ADGRV1: variants seen among roughly 807,000 people sequenced by gnomAD.
ADGRV1 encodes the protein G-protein coupled receptor 98.
A neutral mutation model predicts 596.2 loss-of-function variants in ADGRV1; 359 were observed. That is an observed-to-expected ratio of 0.60 (90% CI 0.55 to 0.66). ADGRV1 has a LOEUF of 0.66. Among genes scored for constraint, ADGRV1 ranks in the 30% least tolerant of loss-of-function variants. The pLI, the probability that ADGRV1 is intolerant of heterozygous loss-of-function variation, is 0.00. For synonymous variants in ADGRV1, 2,681 were observed against 2,679.2 expected (o/e 1.00, Z -0.02); for missense variants, 7,274 against 7,575.6 (o/e 0.96, Z 1.48).
chr5:91,057,418 T>C (rs1384559647), intron 85 of ADGRV1, among the ~76,000 whole-genome samples: 2 of 152,236 alleles, frequency 1.3e-5, no homozygotes, highest in East Asian at 3.8e-4. Flanking sequence ...CAAAAATATT[T>C]ACTGTCTATT....
chr5:90,565,540 T>TA (rs1755532540), intron 1 of ADGRV1, among the ~76,000 whole-genome samples: 2 of 152,246 alleles, frequency 1.3e-5, no homozygotes, highest in Non-Finnish European at 2.9e-5. Context: ...TGCCAAATAA[T>TA]ATTCCAGAGT....
At chr5:90,603,895 CACACACGTGTGTGCAGGCACGT>C (rs1198941797) in intron 1 of ADGRV1, among the ~76,000 whole-genome samples, 1 of 81,280 alleles carries the variant, frequency 1.2e-5, no homozygotes, top group African/African-American at 3.1e-5. Flanking sequence ...TACGTGCCTG[CACACACGTGTGTGCAGGCACGT>C]ACACACACAT....
intron 87 of ADGRV1, among the ~76,000 whole-genome samples, chr5:91,109,744 C>G (rs1356609336): frequency 1.3e-5 from 2 of 152,178 alleles, no homozygotes; most frequent in Non-Finnish European, 2.9e-5. Flanking sequence ...AACAGATACT[C>G]TGGCCAGGCC....
intron 83 of ADGRV1, among the ~76,000 whole-genome samples, chr5:90,922,401 C>A (rs79516266): frequency 0.021 from 3,179 of 152,262 alleles, 115 homozygotes; most frequent in African/African-American, 0.072. Flanking sequence ...AGAATACTTA[C>A]AACGTGGCCT....
intron 86 of ADGRV1, among the ~76,000 whole-genome samples, chr5:91,089,391 T>G (rs977367013): frequency 6.6e-6 from 1 of 151,998 alleles, no homozygotes; most frequent in African/African-American, 2.4e-5. Context: ...TTAACTCAAG[T>G]AGACCTTTTA....
intron 14 of ADGRV1, 35 bp from the exon 15 acceptor site, chr5:90,644,671 T>C (rs1288498137): frequency 2.6e-6 from 4 of 1,537,782 alleles, no homozygotes; most frequent in Non-Finnish European, 3.5e-6. Context: ...GTTTCGTATG[T>C]CTTCATATGT....
rs182194052 is a variant in ADGRV1 at position 90,791,667 on chromosome 5, A to T, written c.14517+321A>T. ...GACATGTGTATGCACACGCACACAC[A>T]CTGATACTTGTCAAAGGGGAGAAAT... On this transcript the variant is annotated intron_variant, in intron 70 of 89. Coordinates refer to ENST00000405460, the MANE Select transcript of ADGRV1 (RefSeq NM_032119.4). The T allele has an allele frequency of 1.1e-3, 236 of 223,030 alleles. 1 individual carries two copies. Among genetic ancestry groups the T allele is most frequent in the Non-Finnish European group, 1.6e-3 (185 of 113,278 alleles). The allele number at this position is 223,030 out of a possible 1,614,324, so 13.8% of individuals were successfully genotyped here. A position where few individuals can be genotyped will look rare whatever the true frequency, so the allele number is the denominator to read the frequency against.
Position 90,683,792 on chromosome 5 carries a change from T to G in ADGRV1, c.5871T>G (p.Gly1957=). Residue 1957 remains glycine, a synonymous_variant, in exon 28 of 90, where the codon GGT becomes GGG. Coordinates refer to ENST00000405460, the MANE Select transcript of ADGRV1 (RefSeq NM_032119.4). Reference sequence around the variant, plus strand: ...TGTCAGTCCTCAGTGTTTCCAGTGGTTCTTTGGGAGCTCATATTAATGCCA... The same window carrying G: ...TGTCAGTCCTCAGTGTTTCCAGTGGGTCTTTGGGAGCTCATATTAATGCCA... The part of the protein sequence containing the change: ...FSVSVLSVSS[G]SLGAHINATL... 1 of 1,613,868 alleles carries G rather than the reference T, an allele frequency of 6.2e-7. No individual in the cohort carries two copies. The highest frequency in any genetic ancestry group is 8.5e-7 in the Non-Finnish European group (1 of 1,179,870).
At chr5:91,055,748 C>T (rs1265081964) in intron 85 of ADGRV1, among the ~76,000 whole-genome samples, 1 of 152,172 alleles carries the variant, frequency 6.6e-6, no homozygotes, top group African/African-American at 2.4e-5. Flanking sequence ...CATAATCCAA[C>T]CCAGTGAGAT....
intron 83 of ADGRV1, among the ~76,000 whole-genome samples, chr5:90,928,948 G>T (rs1000356934): frequency 2.7e-5 from 4 of 146,938 alleles, no homozygotes; most frequent in Non-Finnish European, 6.0e-5. Context: ...CTGCTCGGGG[G>T]TCAGGGGTCA....
At chr5:91,024,391 A>G (rs1055807814) in intron 85 of ADGRV1, among the ~76,000 whole-genome samples, 2 of 152,166 alleles carry the variant, frequency 1.3e-5, no homozygotes, top group Admixed American at 6.5e-5. Flanking sequence ...GTATTGCTCT[A>G]TTAACTACTG....
chr5:90,649,340 CA>C (rs1336201569), intron 17 of ADGRV1, among the ~76,000 whole-genome samples: 16 of 151,882 alleles, frequency 1.1e-4, no homozygotes, highest in Non-Finnish European at 5.9e-5. Context: ...TTCTTGATGA[CA>C]TTTATTAACT....
chr5:91,054,464 A>C (rs1786656473), intron 85 of ADGRV1, among the ~76,000 whole-genome samples: 1 of 152,174 alleles, frequency 6.6e-6, no homozygotes, highest in African/African-American at 2.4e-5. Flanking sequence ...GTAACATGTT[A>C]GGAGCCTGTC....
intron 11 of ADGRV1, among the ~76,000 whole-genome samples, chr5:90,640,408 T>A (rs766851366): frequency 6.6e-6 from 1 of 152,210 alleles, no homozygotes; most frequent in Non-Finnish European, 1.5e-5. Flanking sequence ...TGGCTTTAGA[T>A]CTGAGACTAA....
At chr5:90,723,117 A>G (rs1403646997) in intron 45 of ADGRV1, among the ~76,000 whole-genome samples, 1 of 152,228 alleles carries the variant, frequency 6.6e-6, no homozygotes, top group Non-Finnish European at 1.5e-5. Context: ...ATTAATGACC[A>G]TAGAAAGGGC....
intron 83 of ADGRV1, among the ~76,000 whole-genome samples, chr5:90,955,971 G>A (rs1045366494): frequency 6.6e-6 from 1 of 152,114 alleles, no homozygotes; most frequent in Non-Finnish European, 1.5e-5. Context: ...AAACTTTGGA[G>A]GTTGCACAGT....
intron 34 of ADGRV1, among the ~76,000 whole-genome samples, chr5:90,698,785 A>C (rs79840660): frequency 2.7e-5 from 4 of 149,284 alleles, no homozygotes; most frequent in African/African-American, 9.9e-5. Flanking sequence ...GAAAGAAAAA[A>C]TTACCTGAGA....
At chr5:90,713,642 T>C (rs2149729176) in intron 42 of ADGRV1, among the ~76,000 whole-genome samples, 1 of 152,296 alleles carries the variant, frequency 6.6e-6, no homozygotes, top group African/African-American at 2.4e-5. Context: ...TCTTTGCCTT[T>C]TGGAATATTG....
intron 83 of ADGRV1, among the ~76,000 whole-genome samples, chr5:90,870,790 T>C (rs1457596368): frequency 6.6e-6 from 1 of 152,162 alleles, no homozygotes; most frequent in Non-Finnish European, 1.5e-5. Context: ...GGGGCAGGTC[T>C]CCCCCATCTC....
Sources: gnomAD v4.1 joint callset for allele counts (sites outside exome capture counted in the v4.1 genomes callset) on GRCh38, gnomAD v4.1.1 for gene constraint, MANE v1.5 for transcripts, NCBI Gene and HGNC (gene_info 2026-07-23, HGNC 2026-07-21) for gene names.